Variants in ZNF521 observed in about 807,000 individuals in gnomAD.
ZNF521 encodes the protein LYST-interacting protein 3.
Under a neutral mutation model 105.5 loss-of-function variants are expected in ZNF521, and 14 were observed. The observed-to-expected ratio is 0.13, with a 90% CI of 0.09 to 0.21. The LOEUF is 0.21. ZNF521 is among the 10% of genes least tolerant of loss of function. The pLI is 1.00. For synonymous variants in ZNF521, 635 were observed against 606.0 expected, an observed-to-expected ratio of 1.05 and a Z score of -0.70; for missense variants, 1,233 against 1,629.7, an observed-to-expected ratio of 0.76 and a Z score of 4.19.
intron 4 of ZNF521, among the ~76,000 whole-genome samples, chr18:25,217,202 G>A (rs1414591374): frequency 6.6e-6 from 1 of 152,180 alleles, no homozygotes; most frequent in African/African-American, 2.4e-5. Flanking sequence ...TCCAACTGCA[G>A]CATGAAGAAT....
chr18:25,290,224 AG>A (rs1254018255), intron 3 of ZNF521, among the ~76,000 whole-genome samples: 1 of 152,220 alleles, frequency 6.6e-6, no homozygotes, highest in Non-Finnish European at 1.5e-5. Context: ...GATTAGTAAT[AG>A]TATCAAGATG....
rs776338198 is a variant in ZNF521 at position 25,089,461 on chromosome 18, T to C, written c.3906+4A>G. 127 of 1,609,894 alleles carry C rather than the reference T, an allele frequency of 7.9e-5. No individual in the cohort carries two copies. The highest frequency in any genetic ancestry group is 1.1e-4 in the Non-Finnish European group (125 of 1,176,306). On this transcript the variant is annotated splice_donor_region_variant and intron_variant, in intron 7 of 7. Transcript: ENST00000361524. ...AATCCCAGTCCTCCCCATGAGGACA[T>C]TACCTGCAGCTCTGTTTGGAAGAAA...
At chr18:25,309,631 A>C (rs1018182987) in intron 3 of ZNF521, among the ~76,000 whole-genome samples, 3 of 152,230 alleles carry the variant, frequency 2.0e-5, no homozygotes, top group Non-Finnish European at 4.4e-5. Flanking sequence ...AACACTGGTG[A>C]AAAGCAAATA....
At chr18:25,292,921 C>A (rs1274373727) in intron 3 of ZNF521, among the ~76,000 whole-genome samples, 1 of 152,164 alleles carries the variant, frequency 6.6e-6, no homozygotes, top group Admixed American at 6.5e-5. Context: ...GTCCCCAGGG[C>A]CCATCTCCAC....
intron 3 of ZNF521, among the ~76,000 whole-genome samples, chr18:25,230,790 G>A (rs748827232): frequency 1.1e-4 from 16 of 152,028 alleles, no homozygotes; most frequent in South Asian, 2.1e-4. Context: ...CTGACTCTCC[G>A]AGAGCTGTAG....
intron 5 of ZNF521, among the ~76,000 whole-genome samples, chr18:25,104,967 GT>G (rs1442569899): frequency 6.6e-6 from 1 of 152,284 alleles, no homozygotes; most frequent in East Asian, 1.9e-4. Context: ...GGGAAGAGAT[GT>G]TTTCTTAATT....
chr18:25,077,939 AG>A (rs1168230256), intron 7 of ZNF521, among the ~76,000 whole-genome samples: 4 of 152,124 alleles, frequency 2.6e-5, no homozygotes, highest in African/African-American at 9.7e-5. Context: ...TCAAAGAAGA[AG>A]AAAAAAAAAA....
At chr18:25,179,059 A>G (rs1436228353) in intron 5 of ZNF521, among the ~76,000 whole-genome samples, 1 of 143,064 alleles carries the variant, frequency 7.0e-6, no homozygotes, top group African/African-American at 2.6e-5. Flanking sequence ...AAAACCAAAC[A>G]AACCCCAAAC....
At chr18:25,306,261 A>G (rs1418595618) in intron 3 of ZNF521, among the ~76,000 whole-genome samples, 1 of 152,234 alleles carries the variant, frequency 6.6e-6, no homozygotes, top group Non-Finnish European at 1.5e-5. Flanking sequence ...AATTAAAATA[A>G]TACGAAGGGA....
chr18:25,329,793 T>C (rs773831332), intron 2 of ZNF521, among the ~76,000 whole-genome samples: 1 of 152,174 alleles, frequency 6.6e-6, no homozygotes, highest in Non-Finnish European at 1.5e-5. Context: ...GATGCTCCAC[T>C]GGTAACTGAG....
intron 5 of ZNF521, among the ~76,000 whole-genome samples, chr18:25,114,148 G>A (rs941640930): frequency 1.3e-5 from 2 of 151,992 alleles, no homozygotes; most frequent in African/African-American, 4.8e-5. Flanking sequence ...AGGGAGGGGT[G>A]GGGGTTGGGG....
intron 3 of ZNF521, among the ~76,000 whole-genome samples, chr18:25,300,757 A>G (rs1345038995): frequency 2.0e-5 from 3 of 152,222 alleles, no homozygotes; most frequent in African/African-American, 7.2e-5. Context: ...CTTTAATTTC[A>G]GTAAGGATAG....
At chr18:25,186,904 T>TAAAA (rs113619835) in intron 5 of ZNF521, among the ~76,000 whole-genome samples, 38 of 74,334 alleles carry the variant, frequency 5.1e-4, no homozygotes, top group African/African-American at 1.0e-3. Flanking sequence ...AAAGTAATGC[T>TAAAA]AAAAAAAAAA....
intron 5 of ZNF521, among the ~76,000 whole-genome samples, chr18:25,093,941 A>G (rs575519451): frequency 6.6e-6 from 1 of 152,336 alleles, no homozygotes; most frequent in Non-Finnish European, 1.5e-5. Context: ...TGGCAAGTGC[A>G]TCTTCAGAAA....
At chr18:25,071,935 G>A (rs1422785452) in intron 7 of ZNF521, among the ~76,000 whole-genome samples, 3 of 152,152 alleles carry the variant, frequency 2.0e-5, no homozygotes, top group East Asian at 1.9e-4. Flanking sequence ...AATGGCCCCC[G>A]AAGTAGAGGG....
rs183625562 is a variant in ZNF521 at position 25,157,828 on chromosome 18, G to A, written c.3658+37332C>T. 3.3e-3 allele frequency among the ~76,000 whole-genome samples: 509 copies of A among 151,952 alleles called. 2 individuals are homozygous for A. Among genetic ancestry groups the A allele is most frequent in the African/African-American group, 0.012 (486 of 41,426 alleles). On this transcript the variant is annotated intron_variant, in intron 5 of 7. Transcript: ENST00000361524. Reference sequence around the variant, plus strand: ...TGCAATGGTGCTGTGTTGGCTCACTGCAAGCTCTGTCTCCTGGGGTTCTAG... The same window carrying A: ...TGCAATGGTGCTGTGTTGGCTCACTACAAGCTCTGTCTCCTGGGGTTCTAG...
chr18:25,079,958 A>T (rs10853649), intron 7 of ZNF521, among the ~76,000 whole-genome samples: 147,137 of 152,276 alleles, frequency 0.97, 71,270 homozygotes, highest in East Asian at 1. Context: ...GTGGTGTAAG[A>T]CAGACAATTA....
chr18:25,107,907 C>A (rs2034105777), intron 5 of ZNF521, among the ~76,000 whole-genome samples: 1 of 152,194 alleles, frequency 6.6e-6, no homozygotes. Context: ...AAACTGGATA[C>A]CTGCTGTGGA....
At chr18:25,099,690 T>C (rs1207341065) in intron 5 of ZNF521, among the ~76,000 whole-genome samples, 2 of 152,208 alleles carry the variant, frequency 1.3e-5, no homozygotes, top group African/African-American at 4.8e-5. Flanking sequence ...TTTTAATTAA[T>C]TGGCTAAACC....
Sources: allele counts gnomAD v4.1 joint callset (sites outside exome capture counted in the v4.1 genomes callset), GRCh38; gene constraint gnomAD v4.1.1; transcripts MANE v1.5; gene names NCBI Gene and HGNC (gene_info 2026-07-23, HGNC 2026-07-21).